BCL11B: variants seen among roughly 807,000 people sequenced by gnomAD.
BCL11B encodes BCL11 transcription factor B.
BCL11B carries 8 observed loss-of-function variants against 49.9 expected under a neutral mutation model. The ratio of observed to expected loss-of-function variants is 0.16; its 90% CI spans 0.09 to 0.29. BCL11B has a LOEUF of 0.29. Among genes scored for constraint, BCL11B ranks in the 10% least tolerant of loss-of-function variants. BCL11B has a pLI of 1.00. For missense variants in BCL11B, 1,006 were observed against 1,351.0 expected, an observed-to-expected ratio of 0.74 and a Z score of 4.00; for synonymous variants, 739 against 637.4, an observed-to-expected ratio of 1.16 and a Z score of -2.40.
At chr14:99,263,325 C>G (rs1889390913) in intron 1 of BCL11B, 1 of 153,398 alleles carries the variant, frequency 6.5e-6, no homozygotes, top group African/African-American at 2.4e-5. Flanking sequence ...AGGCACACAC[C>G]TCGATCGCCG....
Position 99,195,045 on chromosome 14 carries a change from G to C in BCL11B, c.641-18850C>G, listed in dbSNP as rs1887140947. 1.3e-5 allele frequency among the ~76,000 whole-genome samples: 2 copies of C among 152,158 alleles called. No homozygotes were observed. Among genetic ancestry groups the C allele is most frequent in the Non-Finnish European group, 2.9e-5 (2 of 68,034 alleles). On this transcript the variant is annotated intron_variant, in intron 3 of 3. Coordinates refer to ENST00000357195, the MANE Select transcript of BCL11B (RefSeq NM_138576.4). This position sits in a 1 kb window ranked among gnomAD's most constrained non-coding sequence, Gnocchi z 4.7. The stretch of plus-strand genomic sequence containing the variant: ...CAGGTGCACAGATGGGAAAACGAAG[G>C]CTGCCCAGCATGCAGAAAGGGCTTC...
rs182558636 is a variant in BCL11B, at chr14:99,267,682, G to C, written c.58+3479C>G. ...GGGAGTTAAGATAATTGTGAGCACCGCTGCCTTCAAAACACACAGCTACAG... is the reference window on the plus strand; with the variant it reads ...GGGAGTTAAGATAATTGTGAGCACCCCTGCCTTCAAAACACACAGCTACAG... On this transcript the variant is annotated intron_variant, in intron 1 of 3. Coordinates refer to ENST00000357195, the MANE Select transcript of BCL11B (RefSeq NM_138576.4). Among the ~76,000 whole-genome samples, 106 of 152,132 alleles carry C rather than the reference G, an allele frequency of 7.0e-4. 1 individual carries two copies. The highest frequency in any genetic ancestry group is 8.5e-4 in the Non-Finnish European group (58 of 68,028).
At chr14:99,260,646 T>C in intron 1 of BCL11B, among the ~76,000 whole-genome samples, 1 of 152,140 alleles carries the variant, frequency 6.6e-6, no homozygotes, top group East Asian at 1.9e-4. Flanking sequence ...CTTTCTCTCC[T>C]CTTTTTTTTA....
In BCL11B at chr14:99,260,349, G is replaced by A. The variant is rs1196557526; in HGVS notation, c.59-2510C>T. Reference sequence around the variant, plus strand: ...GGCCAGCTGGACCGTCCTTTCTGAGGGCGAAGAGGTCTTCTTGGTTTTTTT... The same window carrying A: ...GGCCAGCTGGACCGTCCTTTCTGAGAGCGAAGAGGTCTTCTTGGTTTTTTT... On this transcript the variant is annotated intron_variant, in intron 1 of 3. Coordinates refer to ENST00000357195, the MANE Select transcript of BCL11B (RefSeq NM_138576.4). 2.0e-5 allele frequency among the ~76,000 whole-genome samples: 3 copies of A among 152,136 alleles called. No individual in the cohort carries two copies. The East Asian group carries it at 5.8e-4, about 29-fold the overall frequency.
Position 99,248,015 on chromosome 14 carries a change from A to T in BCL11B, c.427+9456T>A, listed in dbSNP as rs1206556956. ...CTTTTCTCCACACCAGGAGTGGGGGAGTCTGACTTTTCACCTCCAACAAAA... is the reference window on the plus strand; with the variant it reads ...CTTTTCTCCACACCAGGAGTGGGGGTGTCTGACTTTTCACCTCCAACAAAA... On this transcript the variant is annotated intron_variant, in intron 2 of 3. Transcript: ENST00000357195. The surrounding 1 kb of genome is among the most constrained non-coding windows in gnomAD (Gnocchi z 4.7). Among the ~76,000 whole-genome samples, 5 of 152,002 alleles carry T rather than the reference A, an allele frequency of 3.3e-5. No individual in the cohort carries two copies. The highest frequency in any genetic ancestry group is 1.2e-4 in the African/African-American group (5 of 41,380).
intron 3 of BCL11B, among the ~76,000 whole-genome samples, chr14:99,199,296 T>C (rs1455152347): frequency 1.3e-5 from 2 of 152,156 alleles, no homozygotes; most frequent in Non-Finnish European, 2.9e-5. Flanking sequence ...CCTTAATAAA[T>C]ACCACTGAAT....
rs1886392666 is a variant in BCL11B at position 99,174,310 on chromosome 14, G to A, written c.2526C>T (p.His842=). Residue 842 remains histidine (H), a synonymous_variant, in exon 4 of 4, where the codon CAC becomes CAT. Transcript: ENST00000357195. ...ACAQSSKLTR[H]MKTHGQIGKE... ...TGCCGATCTGCCCGTGCGTCTTCAT[G>A]TGGCGCGTGAGCTTGCTGCTCTGCG... 6.2e-7 allele frequency: 1 copy of A among 1,613,440 alleles called. No homozygotes were observed. The highest frequency in any genetic ancestry group is 1.1e-5 in the South Asian group (1 of 91,090).
At position 99,174,735 on chromosome 14, in the gene BCL11B, G is replaced by C; in HGVS notation, c.2101C>G (p.Leu701Val). The C allele has an allele frequency of 6.5e-7, 1 of 1,532,184 alleles. No homozygotes were observed. The highest frequency in any genetic ancestry group is 1.9e-5 in the Admixed American group (1 of 51,540). 94.9% of individuals were successfully genotyped at this position (1,532,184 alleles called of 1,614,324 possible). A position where few individuals can be genotyped will look rare whatever the true frequency, so the allele number is the denominator to read the frequency against. ...EKDLELPPAALIPSENVYSQW... is the reference protein window; with the variant it reads ...EKDLELPPAAVIPSENVYSQW... ...GAGTACACGTTCTCGGACGGGATGAGCGCGGCGGGCGGCAGCTCCAGGTCC... is the reference window on the plus strand; with the variant it reads ...GAGTACACGTTCTCGGACGGGATGACCGCGGCGGGCGGCAGCTCCAGGTCC... The change falls in exon 4 of 4, where the codon CTC becomes GTC. Residue 701 changes from leucine (L) to valine (V), a missense_variant. Around this residue, in one of 6 missense-constraint regions of BCL11B, gnomAD observed 443 missense variants for 499.7 expected, o/e 0.89. Coordinates refer to ENST00000357195, the MANE Select transcript of BCL11B (RefSeq NM_138576.4).
At chr14:99,223,808 C>T (rs958989187) in intron 3 of BCL11B, among the ~76,000 whole-genome samples, 1 of 152,218 alleles carries the variant, frequency 6.6e-6, no homozygotes, top group Non-Finnish European at 1.5e-5. Flanking sequence ...CTCAGCAATG[C>T]GACCACAAGG....
chr14:99,231,085 G>A lies in BCL11B; in HGVS notation c.640+260C>T, dbSNP rs1039036051. The stretch of plus-strand genomic sequence containing the variant: ...CTGTCGCTAAACAACCCAAAGAAGC[G>A]GGATTGGGAGGCTGGGGAATGCATT... On this transcript the variant is annotated intron_variant, in intron 3 of 3. Transcript: ENST00000357195. The surrounding 1 kb of genome is among the most constrained non-coding windows in gnomAD (Gnocchi z 8.1). Among the ~76,000 whole-genome samples the A allele has an allele frequency of 2.6e-5, 4 of 152,200 alleles. No homozygotes were observed. The highest frequency in any genetic ancestry group is 5.9e-5 in the Non-Finnish European group (4 of 68,028).
Position 99,175,848 on chromosome 14 carries a change from G to A in BCL11B, c.988C>T (p.Leu330Phe). 2 of 1,479,402 alleles carry A rather than the reference G, an allele frequency of 1.4e-6. No homozygotes were observed. The highest frequency in any genetic ancestry group is 2.8e-5 in the South Asian group (2 of 70,880). 91.6% of individuals were successfully genotyped at this position (1,479,402 alleles called of 1,614,324 possible). ...PPRHHLDPHR[L>F]SAEEMGLVAQ... is the part of the protein sequence containing the mutation. ...ACGAGCCCCATCTCCTCGGCACTGAGGCGGTGCGGGTCCAGGTGGTGGCGC... is the reference window on the plus strand; with the variant it reads ...ACGAGCCCCATCTCCTCGGCACTGAAGCGGTGCGGGTCCAGGTGGTGGCGC... Residue 330 changes from leucine to phenylalanine, a missense_variant, in exon 4 of 4, where the codon CTC becomes TTC. Physicochemically the swap from Leu to Phe is conservative, Grantham distance 22 (BLOSUM62 0). Transcript: ENST00000357195.
chr14:99,230,207 G>A (rs1239823461), intron 3 of BCL11B, among the ~76,000 whole-genome samples: 1 of 152,178 alleles, frequency 6.6e-6, no homozygotes, highest in Non-Finnish European at 1.5e-5. Context: ...ACAGAGCTGT[G>A]GCCATGGCTT....
chr14:99,210,970 T>A (rs1240132470), intron 3 of BCL11B, among the ~76,000 whole-genome samples: 1 of 152,084 alleles, frequency 6.6e-6, no homozygotes, highest in Non-Finnish European at 1.5e-5. Flanking sequence ...ATGACAATGA[T>A]CCTAATAAGA....
intron 1 of BCL11B, among the ~76,000 whole-genome samples, chr14:99,269,833 G>A (rs1889603167): frequency 2.3e-5 from 3 of 132,770 alleles, no homozygotes; most frequent in Admixed American, 8.2e-5. Context: ...ACCTGCCCGC[G>A]GTCTCGATGG....
rs1315878406 is a variant in BCL11B, at chr14:99,179,779, C to T, written c.641-3584G>A. Among the ~76,000 whole-genome samples, 3 of 152,246 alleles carry T rather than the reference C, an allele frequency of 2.0e-5. No homozygotes were observed. The East Asian group carries it at 5.8e-4, about 29-fold the overall frequency. ...GCCCTCAGAGGCCCGCCCTAGACAA[C>T]TTTCTTTCCAGTCCCCACTCCCTTC... On this transcript the variant is annotated intron_variant, in intron 3 of 3. Coordinates refer to ENST00000357195, the MANE Select transcript of BCL11B (RefSeq NM_138576.4).
In BCL11B at chr14:99,248,331, T is replaced by G. The variant is rs1391755157; in HGVS notation, c.427+9140A>C. On this transcript the variant is annotated intron_variant, in intron 2 of 3. Transcript: ENST00000357195. This position sits in a 1 kb window ranked among gnomAD's most constrained non-coding sequence, Gnocchi z 4.7. ...TGCCTTCTCCAGCAAGGCCTCTTCT[T>G]CCCTGGGTCCAACTCGAGGCTTGCA... is the stretch of plus-strand genomic sequence containing the variant. Among the ~76,000 whole-genome samples, 1 of 152,142 alleles carries G rather than the reference T, an allele frequency of 6.6e-6. No individual in the cohort carries two copies. The highest frequency in any genetic ancestry group is 1.5e-5 in the Non-Finnish European group (1 of 68,028).
chr14:99,191,643 G>A (rs2139798294), intron 3 of BCL11B, among the ~76,000 whole-genome samples: 1 of 152,148 alleles, frequency 6.6e-6, no homozygotes, highest in Admixed American at 6.5e-5. Flanking sequence ...GCCTCGTGAA[G>A]GGGGAAGGCA....
intron 1 of BCL11B, among the ~76,000 whole-genome samples, chr14:99,269,286 G>A (rs539834803): frequency 4.1e-4 from 62 of 152,246 alleles, no homozygotes; most frequent in Non-Finnish European, 7.2e-4. Flanking sequence ...TCTAAAGGGG[G>A]AAGGGTGTAG....
At chr14:99,265,721 G>A (rs1314391873) in intron 1 of BCL11B, among the ~76,000 whole-genome samples, 2 of 152,204 alleles carry the variant, frequency 1.3e-5, no homozygotes, top group African/African-American at 4.8e-5. Flanking sequence ...ATTAAATGAA[G>A]TAGAGAAATC....
Sources: gnomAD v4.1 joint callset for allele counts (sites outside exome capture counted in the v4.1 genomes callset) on GRCh38, gnomAD v4.1.1 for gene constraint, gnomAD v4.1.1 regional missense constraint, Gnocchi (gnomAD v3.1) non-coding constraint, MANE v1.5 for transcripts, NCBI Gene and HGNC (gene_info 2026-07-23, HGNC 2026-07-21) for gene names.